ELAVL4: variants seen among roughly 807,000 people sequenced by gnomAD.
ELAVL4 encodes the protein ELAV like RNA binding protein 4.
A neutral mutation model predicts 35.6 loss-of-function variants in ELAVL4; 1 was observed. The ratio of observed to expected loss-of-function variants is 0.03; its 90% confidence interval spans 0.01 to 0.13. The LOEUF (loss-of-function observed/expected upper bound fraction) is 0.13. Among genes scored for constraint, ELAVL4 ranks in the 10% least tolerant of loss-of-function variants. The pLI is 1.00. For missense variants in ELAVL4, 267 were observed against 464.9 expected (o/e 0.57, Z 3.91); for synonymous variants, 156 against 171.0 (o/e 0.91, Z 0.69).
intron 1 of ELAVL4, among the ~76,000 whole-genome samples, chr1:50,110,527 A>G (rs530084938): frequency 6.6e-5 from 10 of 152,244 alleles, no homozygotes; most frequent in Admixed American, 6.5e-4. Context: ...GAAGCAGGGA[A>G]ACTCCTTGAG....
intron 1 of ELAVL4, among the ~76,000 whole-genome samples, chr1:50,068,673 A>G (rs1208975572): frequency 6.6e-6 from 1 of 152,192 alleles, no homozygotes; most frequent in Non-Finnish European, 1.5e-5. Flanking sequence ...ATATTCTAGG[A>G]TATAGTAGGT....
chr1:50,071,833 G>A (rs950807092), intron 1 of ELAVL4, among the ~76,000 whole-genome samples: 1 of 152,134 alleles, frequency 6.6e-6, no homozygotes, highest in African/African-American at 2.4e-5. Context: ...GGGAGGAGGA[G>A]AGGCTCCCTA....
chr1:50,174,574 C>T (rs1352688109), intron 2 of ELAVL4: 3 of 151,034 alleles, frequency 2.0e-5, no homozygotes, highest in African/African-American at 7.3e-5. Flanking sequence ...GGTGATAACA[C>T]AGTTGTGCTA....
At chr1:50,048,307 G>T in intron 1 of ELAVL4, 1 of 1,255,068 alleles carries the variant, frequency 8.0e-7, no homozygotes, top group Non-Finnish European at 1.0e-6. Flanking sequence ...CCGACTCCCA[G>T]GGAGGGGGAG....
At chr1:50,140,797 G>A (rs1203950672) in intron 1 of ELAVL4, among the ~76,000 whole-genome samples, 3 of 152,190 alleles carry the variant, frequency 2.0e-5, no homozygotes, top group African/African-American at 4.8e-5. Flanking sequence ...GAATAACTGT[G>A]TAGTGTAGAT....
At chr1:50,109,740 T>C in intron 1 of ELAVL4, 1 of 618,606 alleles carries the variant, frequency 1.6e-6, no homozygotes. Context: ...CAGTAAATGC[T>C]GCATCTTGTA....
chr1:50,182,648 T>C (rs959410210), intron 3 of ELAVL4, among the ~76,000 whole-genome samples: 5 of 152,224 alleles, frequency 3.3e-5, no homozygotes, highest in Non-Finnish European at 7.3e-5. Flanking sequence ...CATAGAATGT[T>C]TGACAGATGA....
chr1:50,052,630 A>G (rs1663444817), intron 1 of ELAVL4, among the ~76,000 whole-genome samples: 1 of 152,212 alleles, frequency 6.6e-6, no homozygotes, highest in Admixed American at 6.5e-5. Context: ...TAATCCCTTG[A>G]TGCATCTTTT....
In ELAVL4 at chr1:50,074,116, C is replaced by T. The variant is rs980875316; in HGVS notation, c.18+25934C>T. On this transcript the variant is annotated intron_variant, in intron 1 of 6. Coordinates refer to the ELAVL4 transcript ENST00000448907. ...GGTCCTGGGGCCATAGATGTGCTGG[C>T]CTGGCTGGCTGGCTGGGCTGTGCTT... 2.6e-5 allele frequency among the ~76,000 whole-genome samples: 4 copies of T among 152,280 alleles called. No individual in the cohort carries two copies. The East Asian group carries it at 5.8e-4, about 22-fold the overall frequency.
intron 1 of ELAVL4, among the ~76,000 whole-genome samples, chr1:50,126,276 G>T (rs1669899500): frequency 6.6e-6 from 1 of 152,068 alleles, no homozygotes; most frequent in Non-Finnish European, 1.5e-5. Context: ...ATTGAGACTG[G>T]TCTCTGTCAA....
chr1:50,133,599 A>AAAAGAAAG (rs56304409), intron 1 of ELAVL4, among the ~76,000 whole-genome samples: 26,423 of 128,816 alleles, frequency 0.21, 2,916 homozygotes, highest in Middle Eastern at 0.29. Context: ...AGAAAGAAAG[A>AAAAGAAAG]AAAGAAAGAA....
chr1:50,101,944 T>C (rs763317340), upstream of ELAVL4, among the ~76,000 whole-genome samples: 8 of 152,228 alleles, frequency 5.3e-5, no homozygotes, highest in Non-Finnish European at 8.8e-5. Flanking sequence ...GTGTTTGGTA[T>C]ACAGTAGACT....
At chr1:50,102,079 A>T (rs1212613204), upstream of ELAVL4, among the ~76,000 whole-genome samples, 1 of 152,120 alleles carries the variant, frequency 6.6e-6, no homozygotes, top group Non-Finnish European at 1.5e-5. Context: ...CGAGGTCAGG[A>T]GATTGAGACC....
chr1:50,149,429 CAACA>C (rs1352606184), intron 2 of ELAVL4, among the ~76,000 whole-genome samples: 14 of 144,904 alleles, frequency 9.7e-5, no homozygotes, highest in Non-Finnish European at 2.2e-4. Context: ...CAGTGTAAGA[CAACA>C]AACAGTTTTG....
At chr1:50,049,254 C>G (rs968989850) in intron 1 of ELAVL4, among the ~76,000 whole-genome samples, 2 of 152,150 alleles carry the variant, frequency 1.3e-5, no homozygotes, top group Non-Finnish European at 2.9e-5. Flanking sequence ...TAGTAGAGCT[C>G]CTTGAGAAGC....
At chr1:50,057,525 C>T (rs565098134) in intron 1 of ELAVL4, among the ~76,000 whole-genome samples, 1 of 152,312 alleles carries the variant, frequency 6.6e-6, no homozygotes, top group African/African-American at 2.4e-5. Context: ...CCATTTATGG[C>T]AACTGCCTAT....
At chr1:50,051,896 G>A (rs1341490058) in intron 1 of ELAVL4, among the ~76,000 whole-genome samples, 1 of 152,068 alleles carries the variant, frequency 6.6e-6, no homozygotes, top group Non-Finnish European at 1.5e-5. Flanking sequence ...GTGTTAGCAA[G>A]GTTGTTATTC....
intron 2 of ELAVL4, among the ~76,000 whole-genome samples, chr1:50,160,396 A>AT (rs1208480633): frequency 1.1e-4 from 16 of 152,222 alleles, no homozygotes; most frequent in African/African-American, 3.4e-4. Context: ...AGCAATGAAA[A>AT]GGGAAAACAT....
chr1:50,102,838 G>T (rs950317950), upstream of ELAVL4, among the ~76,000 whole-genome samples: 2 of 152,170 alleles, frequency 1.3e-5, no homozygotes, highest in African/African-American at 4.8e-5. Context: ...TGAGTTTTTT[G>T]GGGGTTATGA....
Sources: gnomAD v4.1 joint callset for allele counts (sites outside exome capture counted in the v4.1 genomes callset) on GRCh38, gnomAD v4.1.1 for gene constraint, MANE v1.5 for transcripts, NCBI Gene and HGNC (gene_info 2026-07-23, HGNC 2026-07-21) for gene names.